Variants in TTN observed in about 807,000 individuals in gnomAD.
The protein encoded by TTN is titin, also known as connectin.
TTN carries 1,525 observed loss-of-function variants against 3,223.0 expected under a neutral mutation model. The observed-to-expected ratio is 0.47, with a 90% CI of 0.45 to 0.49. The LOEUF is 0.49. Ranked by LOEUF, TTN falls within the 20% of genes least tolerant of loss-of-function variation. The pLI, the probability that TTN is intolerant of heterozygous loss-of-function variation, is 0.00. For missense variants in TTN, 40,786 were observed against 43,424.0 expected, an observed-to-expected ratio of 0.94 and a Z score of 5.40; for synonymous variants, 14,094 against 15,161.0, an observed-to-expected ratio of 0.93 and a Z score of 5.17.
In TTN at chr2:178,714,497, A is replaced by C; in HGVS notation, c.26277T>G (p.Ile8759Met). ...CCACTGAAATGGGTTCAGCGCCTTC[A>C]ATGGTAGTCTGCAGCTGAACTTCTT... is the stretch of plus-strand genomic sequence containing the variant. ...VGKEVQLQTT[I>M]EGAEPISVVW... Residue 8759 changes from isoleucine to methionine, a missense_variant, in exon 91 of 363, where the codon ATT becomes ATG. Coordinates refer to ENST00000589042, the MANE Select transcript of TTN (RefSeq NM_001267550.2). 6.2e-7 allele frequency: 1 copy of C among 1,613,464 alleles called. No individual in the cohort carries two copies. The highest frequency in any genetic ancestry group is 8.5e-7 in the Non-Finnish European group (1 of 1,179,630).
At position 178,712,052 on chromosome 2, in the gene TTN, C is replaced by A. The variant is rs777920428; in HGVS notation, c.27778G>T (p.Ala9260Ser). The A allele has an allele frequency of 2.5e-6, 4 of 1,613,786 alleles. No homozygotes were observed. Among genetic ancestry groups the A allele is most frequent in the Non-Finnish European group, 3.4e-6 (4 of 1,179,770 alleles). ...TCAACCTGGTTGAAAACCAGTGTAG[C>A]AACATTATTCCTAAAATGCATTTTG... ...TYKMHFRNNV[A>S]TLVFNQVDIN... is the part of the protein sequence containing the mutation. The change falls in exon 96 of 363, where the codon GCT becomes TCT. Residue 9260 changes from alanine to serine, a missense_variant. Transcript: ENST00000589042.
In TTN at chr2:178,561,792, T is replaced by C. The variant is rs1703767853; in HGVS notation, c.84340A>G (p.Ile28114Val). The change falls in exon 326 of 363, where the codon ATT becomes GTT. Residue 28114 changes from isoleucine (I) to valine (V), a missense_variant. Transcript: ENST00000589042. ...CCTGTTGTCAGGCGAACTATTTTAA[T>C]GGATGTTCTTGCAACTGCTTGTGAA... ...IVSQAVARTS[I>V]KIVRLTTGSE... is the part of the protein sequence containing the mutation. 5 of 1,613,562 alleles carry C rather than the reference T, an allele frequency of 3.1e-6. No individual in the cohort carries two copies. Among genetic ancestry groups the C allele is most frequent in the Admixed American group, 1.7e-5 (1 of 59,978 alleles).
rs1404662292 is a variant in TTN at position 178,715,087 on chromosome 2, A to T, written c.26099T>A (p.Ile8700Asn). The change falls in exon 90 of 363, where the codon ATC (isoleucine) becomes AAC (asparagine). Residue 8700 changes from isoleucine to asparagine, a missense_variant. Transcript: ENST00000589042. The stretch of plus-strand genomic sequence containing the variant: ...TGCAGCATCGACATTCAGGATGTGG[A>T]TACTGGTTAGGAAGTTCTCAGACAT... ...KIMSENFLTS[I>N]HILNVDAADI... The T allele has an allele frequency of 6.2e-7, 1 of 1,613,714 alleles. No homozygotes were observed.
rs1439059332 is a variant in TTN, at chr2:178,738,169, T to G, written c.14284A>C (p.Thr4762Pro). The G allele has an allele frequency of 1.9e-6, 3 of 1,613,446 alleles. No homozygotes were observed. Among genetic ancestry groups the G allele is most frequent in the Non-Finnish European group, 2.5e-6 (3 of 1,179,762 alleles). The change falls in exon 49 of 363, where the codon ACC (threonine) becomes CCC (proline). Residue 4762 changes from threonine (T) to proline (P), a missense_variant. Transcript: ENST00000589042. Reference protein sequence around the residue: ...KYISSLEILRTQVVDCGEYTC... With the variant: ...KYISSLEILRPQVVDCGEYTC... ...TACTCGCCGCAGTCAACCACCTGGGTTCTCAGGATTTCAAGGCTGGAGATA... is the reference window on the plus strand; with the variant it reads ...TACTCGCCGCAGTCAACCACCTGGGGTCTCAGGATTTCAAGGCTGGAGATA...
chr2:178,797,548 A>G (rs191448817), intron 6 of TTN, among the ~76,000 whole-genome samples: 319 of 152,034 alleles, frequency 2.1e-3, no homozygotes, highest in Non-Finnish European at 3.0e-3. Flanking sequence ...ATTCCCCCAG[A>G]TCCATTTCTT....
Position 178,712,610 on chromosome 2 carries a change from G to A in TTN, c.27329-17C>T. On this transcript the variant is annotated splice_polypyrimidine_tract_variant and intron_variant, in intron 94 of 362. Transcript: ENST00000589042. Reference sequence around the variant, plus strand: ...TGGCTGGGGCTAAAGTGACCAAATTGAAAATATAAAATCAAACACATATAC... The same window carrying A: ...TGGCTGGGGCTAAAGTGACCAAATTAAAAATATAAAATCAAACACATATAC... 1 of 1,607,030 alleles carries A rather than the reference G, an allele frequency of 6.2e-7. No individual in the cohort carries two copies. Among genetic ancestry groups the A allele is most frequent in the Non-Finnish European group, 8.5e-7 (1 of 1,176,102 alleles).
chr2:178,717,915 C>A, intron 86 of TTN, 28 bp downstream of exon 86: 1 of 1,598,286 alleles, frequency 6.3e-7, no homozygotes, highest in South Asian at 1.1e-5. Flanking sequence ...AATCTGTTCA[C>A]ACACACTAGG....
intron 213 of TTN, among the ~76,000 whole-genome samples, chr2:178,648,430 G>C (rs569978998): frequency 6.6e-6 from 1 of 151,600 alleles, no homozygotes; most frequent in South Asian, 2.1e-4. Context: ...ATTTTTTTGA[G>C]ACAGAGGCTC....
In TTN at chr2:178,602,388, A is replaced by G. The variant is rs2053684976; in HGVS notation, c.55014T>C (p.Asn18338=). The G allele has an allele frequency of 9.3e-6, 15 of 1,612,700 alleles. No homozygotes were observed. Among genetic ancestry groups the G allele is most frequent in the Non-Finnish European group, 1.3e-5 (15 of 1,179,292 alleles). The change falls in exon 283 of 363, where the codon AAT becomes AAC. Residue 18338 remains asparagine, a synonymous_variant. Transcript: ENST00000589042. The stretch of plus-strand genomic sequence containing the variant: ...ATCTGTACTTCCTGAGCTCTTTCAG[A>G]TTAGGCACCACACATTCACAGGTAG... ...LITTCECVVP[N]LKELRKYRFR... is the part of the protein sequence containing the mutation.
intron 37 of TTN, among the ~76,000 whole-genome samples, chr2:178,769,396 A>G (rs538591256): frequency 5.3e-5 from 8 of 151,750 alleles, no homozygotes; most frequent in Admixed American, 2.0e-4. Flanking sequence ...TGGGACTACA[A>G]GTGTGTGCCA....
At chr2:178,801,139 T>A (rs1042603566) in intron 3 of TTN, among the ~76,000 whole-genome samples, 8 of 152,238 alleles carry the variant, frequency 5.3e-5, no homozygotes, top group African/African-American at 1.9e-4. Context: ...CATTTTTAAT[T>A]TAATTTTTAA....
chr2:178,556,691 G>A (rs1385180608), intron 330 of TTN, 157 bp downstream of exon 330: 56 of 816,712 alleles, frequency 6.9e-5, no homozygotes, highest in Non-Finnish European at 1.0e-4. Flanking sequence ...AGGTATTTAA[G>A]GAATTTTCCT....
rs370615208 is a variant in TTN at position 178,732,874 on chromosome 2, G to A, written c.16302C>T (p.Ser5434=). Residue 5434 remains serine, a synonymous_variant, in exon 55 of 363, where the codon TCC becomes TCT. Coordinates refer to ENST00000589042, the MANE Select transcript of TTN (RefSeq NM_001267550.2). ...CTCCACTGCTGTCTTTGCTTCCCAC[G>A]GAATTTGTGGCTCGACAAGTGAAAT... is the stretch of plus-strand genomic sequence containing the variant. ...AGNFTCRATN[S]VGSKDSSGAL... is the part of the protein sequence containing the mutation. The A allele has an allele frequency of 8.0e-5, 129 of 1,613,220 alleles. No homozygotes were observed. The highest frequency in any genetic ancestry group is 1.6e-4 in the Middle Eastern group (1 of 6,072).
Position 178,590,092 on chromosome 2 carries a change from C to T in TTN, c.61633G>A (p.Gly20545Ser). 1 of 1,613,258 alleles carries T rather than the reference C, an allele frequency of 6.2e-7. No homozygotes were observed. Among genetic ancestry groups the T allele is most frequent in the Non-Finnish European group, 8.5e-7 (1 of 1,179,488 alleles). Reference protein sequence around the residue: ...QIKEAVRADHGKYIISAKNSS... With the variant: ...QIKEAVRADHSKYIISAKNSS... Reference sequence around the variant, plus strand: ...TTCTTAGCTGAGATGATATACTTGCCATGATCAGCTCTAACAGCTTCTTTA... The same window carrying T: ...TTCTTAGCTGAGATGATATACTTGCTATGATCAGCTCTAACAGCTTCTTTA... Residue 20545 changes from glycine to serine, a missense_variant, in exon 304 of 363, where the codon GGC becomes AGC. Gly to Ser is a moderately conservative substitution (Grantham distance 56). Transcript: ENST00000589042.
intron 109 of TTN, 106 bp from the exon 110 acceptor site, chr2:178,701,693 TAATGG>T: frequency 1.1e-5 from 12 of 1,118,390 alleles, no homozygotes; most frequent in Non-Finnish European, 1.6e-5. Flanking sequence ...CAGGCATATC[TAATGG>T]CAGAATCTAA....
rs578134054 is a variant in TTN at position 178,746,722 on chromosome 2, A to T, written c.11312-4801T>A. ...CCACTCTTTCCATTTTGATTCTTTC[A>T]TCTGGCTCTAGTAAAGATTTATTTC... is the stretch of plus-strand genomic sequence containing the variant. On this transcript the variant is annotated intron_variant, in intron 47 of 362. Transcript: ENST00000589042. 7 of 1,613,432 alleles carry T rather than the reference A, an allele frequency of 4.3e-6. No individual in the cohort carries two copies. In the Admixed American group the frequency reaches 1.2e-4, roughly 27 times the overall value.
chr2:178,566,533 T>C lies in TTN; in HGVS notation c.79599A>G (p.Glu26533=). ...VVEICKADEE[E]WQIVTPQTGL... ...CAGTCTGTGGAGTAACTATTTGCCA[T>C]TCTTCTTCATCTGCTTTACAGATTT... The change falls in exon 326 of 363, where the codon GAA becomes GAG. Residue 26533 remains glutamate, a synonymous_variant. Transcript: ENST00000589042. 6.2e-7 allele frequency: 1 copy of C among 1,613,430 alleles called. No individual in the cohort carries two copies. Among genetic ancestry groups the C allele is most frequent in the Non-Finnish European group, 8.5e-7 (1 of 1,179,688 alleles).
Position 178,604,699 on chromosome 2 carries a change from A to AGAG in TTN, c.54381+6_54381+8dup, listed in dbSNP as rs2054361303. On this transcript the variant is annotated intron_variant, in intron 281 of 362. Transcript: ENST00000589042. ...TAATGTGTATAAGAAAATATTCAGA[A>AGAG]GAGTTTACCCCATATCTTTTCTCTA... 1 of 1,588,668 alleles carries AGAG rather than the reference A, an allele frequency of 6.3e-7. No individual in the cohort carries two copies. Among genetic ancestry groups the AGAG allele is most frequent in the East Asian group, 2.3e-5 (1 of 44,342 alleles).
chr2:178,799,228 T>C (rs2093925123), intron 6 of TTN: 1 of 482,914 alleles, frequency 2.1e-6, no homozygotes, highest in Non-Finnish European at 3.7e-6. Flanking sequence ...CACCCTGACC[T>C]GCCACGCCCA....
Sources: gnomAD v4.1 joint callset for allele counts (sites outside exome capture counted in the v4.1 genomes callset) on GRCh38, gnomAD v4.1.1 for gene constraint, MANE v1.5 for transcripts, NCBI Gene and HGNC (gene_info 2026-07-23, HGNC 2026-07-21) for gene names.